EYS: variants seen among roughly 807,000 people sequenced by gnomAD.
EYS encodes EGF-like photoreceptor maintenance factor.
Under a neutral mutation model 282.1 loss-of-function variants are expected in EYS, and 250 were observed. The observed-to-expected ratio is 0.89, with a 90% CI of 0.80 to 0.98. The LOEUF (loss-of-function observed/expected upper bound fraction) is 0.98. Among genes scored for constraint, EYS ranks in the 50% least tolerant of loss-of-function variants. The probability of loss-of-function intolerance (pLI) is 0.00; values close to 1 mark genes in which losing one functional copy is unlikely to be tolerated. For synonymous variants in EYS, 1,355 were observed against 1,282.9 expected (o/e 1.06, Z -1.20); for missense variants, 4,016 against 3,709.0 (o/e 1.08, Z -2.15).
intron 26 of EYS, among the ~76,000 whole-genome samples, chr6:64,533,504 G>A (rs1470765415): frequency 6.6e-6 from 1 of 151,992 alleles, no homozygotes; most frequent in African/African-American, 2.4e-5. Flanking sequence ...AATGACAATT[G>A]ACTTAAGAAA....
At chr6:63,755,439 T>C (rs1421704581) in intron 41 of EYS, among the ~76,000 whole-genome samples, 1 of 152,174 alleles carries the variant, frequency 6.6e-6, no homozygotes, top group Non-Finnish European at 1.5e-5. Flanking sequence ...CAGATGGCTG[T>C]AGATGTGTGG....
chr6:64,190,993 A>G (rs1765086361), intron 31 of EYS, among the ~76,000 whole-genome samples: 1 of 152,120 alleles, frequency 6.6e-6, no homozygotes, highest in African/African-American at 2.4e-5. Context: ...TCATACATTT[A>G]CTGGCCATTA....
chr6:64,743,765 A>G (rs867401949), intron 22 of EYS, among the ~76,000 whole-genome samples: 1 of 152,154 alleles, frequency 6.6e-6, no homozygotes. Context: ...AAGGGTTAGA[A>G]TATTTAGAAT....
chr6:65,563,822 A>C (rs2127347057), intron 2 of EYS, among the ~76,000 whole-genome samples: 1 of 152,240 alleles, frequency 6.6e-6, no homozygotes, highest in East Asian at 1.9e-4. Flanking sequence ...ACTCCCAATA[A>C]AATCCTAAGA....
chr6:64,782,138 G>A (rs538311502), intron 22 of EYS, among the ~76,000 whole-genome samples: 1 of 152,246 alleles, frequency 6.6e-6, no homozygotes, highest in East Asian at 1.9e-4. Context: ...ATAAGTTATT[G>A]GCAGATCATA....
intron 31 of EYS, among the ~76,000 whole-genome samples, chr6:64,127,671 C>T (rs980912468): frequency 2.6e-5 from 4 of 152,004 alleles, no homozygotes; most frequent in Non-Finnish European, 2.9e-5. Context: ...ATACTTATGG[C>T]TCAAGACAGA....
chr6:65,382,205 C>T (rs539058270), intron 8 of EYS, among the ~76,000 whole-genome samples: 1 of 135,910 alleles, frequency 7.4e-6, no homozygotes, highest in South Asian at 2.3e-4. Context: ...AGAACCTCAT[C>T]CTTTGGTGTT....
In EYS at chr6:63,957,690, C is replaced by T. The variant is rs538869949; in HGVS notation, c.7055+26693G>A. 2.5e-4 allele frequency among the ~76,000 whole-genome samples: 35 copies of T among 140,588 alleles called. 6 individuals carry two copies. The South Asian group carries it at 5.3e-3, about 21-fold the overall frequency. The allele number at this position is 140,588 out of a possible 152,430, so 92.2% of individuals were successfully genotyped here. Reference sequence around the variant, plus strand: ...GTTAAAGAAAAATCCTGTTTGGATACCATGTATATTAGGTTCTAACTTACA... The same window carrying T: ...GTTAAAGAAAAATCCTGTTTGGATATCATGTATATTAGGTTCTAACTTACA... On this transcript the variant is annotated intron_variant, in intron 35 of 42. Transcript: ENST00000503581.
At chr6:64,901,734 T>G (rs1203510541) in intron 18 of EYS, among the ~76,000 whole-genome samples, 1 of 152,074 alleles carries the variant, frequency 6.6e-6, no homozygotes, top group African/African-American at 2.4e-5. Context: ...TTGGTATATA[T>G]TTAATATTAA....
intron 31 of EYS, among the ~76,000 whole-genome samples, chr6:64,132,268 G>A (rs756521428): frequency 6.7e-4 from 102 of 151,974 alleles, no homozygotes; most frequent in Non-Finnish European, 1.2e-3. Context: ...AATATACTGC[G>A]TTAAAATAAA....
chr6:63,943,088 G>A (rs998793018), intron 35 of EYS, among the ~76,000 whole-genome samples: 12 of 152,112 alleles, frequency 7.9e-5, no homozygotes, highest in Non-Finnish European at 1.3e-4. Context: ...TAGTAGTTAC[G>A]CTTCTGAGAA....
chr6:64,073,022 A>C (rs1771645615), intron 32 of EYS, among the ~76,000 whole-genome samples: 1 of 151,922 alleles, frequency 6.6e-6, no homozygotes, highest in African/African-American at 2.4e-5. Flanking sequence ...AGCCACTAAC[A>C]TCAATGACAG....
intron 1 of EYS, among the ~76,000 whole-genome samples, chr6:65,697,472 T>C (rs1769496518): frequency 6.6e-6 from 1 of 152,112 alleles, no homozygotes; most frequent in East Asian, 1.9e-4. Flanking sequence ...ATTGATCATC[T>C]GTCAATTTGA....
At chr6:64,887,292 A>AG (rs1361836681) in intron 18 of EYS, among the ~76,000 whole-genome samples, 1 of 41,706 alleles carries the variant, frequency 2.4e-5, no homozygotes, top group Non-Finnish European at 4.5e-5. Context: ...GGGTGGGGGG[A>AG]GGGGGGAGGG....
At chr6:64,586,877 A>G (rs943599007) in intron 26 of EYS, among the ~76,000 whole-genome samples, 1 of 152,088 alleles carries the variant, frequency 6.6e-6, no homozygotes, top group African/African-American at 2.4e-5. Flanking sequence ...TCTTTCTTAT[A>G]TCCTTCCCAA....
intron 5 of EYS, among the ~76,000 whole-genome samples, chr6:65,429,024 T>C (rs907448975): frequency 1.3e-5 from 2 of 151,608 alleles, no homozygotes; most frequent in East Asian, 2.0e-4. Context: ...CTACTAAAAA[T>C]ACAAAATTAG....
chr6:64,438,369 G>T (rs1271874833), intron 27 of EYS, among the ~76,000 whole-genome samples: 1 of 151,682 alleles, frequency 6.6e-6, no homozygotes, highest in Non-Finnish European at 1.5e-5. Flanking sequence ...ATACATTAGC[G>T]ATTAGAGCAA....
At chr6:64,125,154 G>GCGCGCGCGCTCTCTCTC (rs1773724746) in intron 31 of EYS, among the ~76,000 whole-genome samples, 2 of 145,334 alleles carry the variant, frequency 1.4e-5, no homozygotes, top group African/African-American at 5.2e-5. Flanking sequence ...CACACTCTCT[G>GCGCGCGCGCTCTCTCTC]TCTCTCTCTC....
chr6:64,202,688 A>G (rs1277587022), intron 31 of EYS, among the ~76,000 whole-genome samples: 1 of 152,186 alleles, frequency 6.6e-6, no homozygotes, highest in Non-Finnish European at 1.5e-5. Flanking sequence ...TGTAATTAAC[A>G]TAGAACCTTG....
Sources: gnomAD v4.1 joint callset for allele counts (sites outside exome capture counted in the v4.1 genomes callset) on GRCh38, gnomAD v4.1.1 for gene constraint, MANE v1.5 for transcripts, NCBI Gene and HGNC (gene_info 2026-07-23, HGNC 2026-07-21) for gene names.